Variants in ROBO2 observed in about 807,000 individuals in gnomAD.
ROBO2 encodes the protein roundabout guidance receptor 2, also known as roundabout homolog 2.
In ROBO2, 53 loss-of-function variants were observed where a neutral mutation model predicts 160.8. That is an observed-to-expected ratio of 0.33 (90% CI 0.26 to 0.41). ROBO2 has a LOEUF of 0.41. Ranked by LOEUF, ROBO2 falls within the 10% of genes least tolerant of loss-of-function variation. The pLI is 1.00. For synonymous variants in ROBO2, 664 were observed against 611.7 expected, an observed-to-expected ratio of 1.09 and a Z score of -1.26; for missense variants, 1,577 against 1,722.4, an observed-to-expected ratio of 0.92 and a Z score of 1.49.
intron 21 of ROBO2, among the ~76,000 whole-genome samples, chr3:77,609,580 A>G (rs1482775511): frequency 6.6e-6 from 1 of 151,946 alleles, no homozygotes; most frequent in Non-Finnish European, 1.5e-5. Context: ...TACATAGACT[A>G]TGATAATTCC....
At chr3:76,697,553 G>A (rs2092952848) in intron 2 of ROBO2, among the ~76,000 whole-genome samples, 1 of 152,068 alleles carries the variant, frequency 6.6e-6, no homozygotes, top group Non-Finnish European at 1.5e-5. Context: ...AGGTGGAGGT[G>A]GGAGAATCGC....
chr3:77,342,639 G>A (rs2067190664), intron 2 of ROBO2, among the ~76,000 whole-genome samples: 1 of 152,084 alleles, frequency 6.6e-6, no homozygotes. Flanking sequence ...TGCTGCCACT[G>A]TGGTATTGTC....
At chr3:76,868,411 T>C (rs534968458) in intron 2 of ROBO2, among the ~76,000 whole-genome samples, 1 of 152,314 alleles carries the variant, frequency 6.6e-6, no homozygotes, top group East Asian at 1.9e-4. Flanking sequence ...GATTGTCTCT[T>C]TGGGGACAGA....
intron 2 of ROBO2, among the ~76,000 whole-genome samples, chr3:76,941,331 C>T (rs1232491851): frequency 6.6e-6 from 1 of 152,020 alleles, no homozygotes; most frequent in African/African-American, 2.4e-5. Context: ...TTTGTTAATT[C>T]ATCACTGCAT....
intron 2 of ROBO2, among the ~76,000 whole-genome samples, chr3:76,610,487 G>C (rs2088014552): frequency 6.6e-6 from 1 of 152,176 alleles, no homozygotes; most frequent in Non-Finnish European, 1.5e-5. Flanking sequence ...CTAAAACCCA[G>C]AGATGCCAGC....
intron 2 of ROBO2, among the ~76,000 whole-genome samples, chr3:76,996,396 G>A (rs1279548058): frequency 6.6e-6 from 1 of 152,096 alleles, no homozygotes; most frequent in Non-Finnish European, 1.5e-5. Flanking sequence ...GATGCCTCCA[G>A]CTTTGTTCTT....
intron 2 of ROBO2, among the ~76,000 whole-genome samples, chr3:76,710,810 T>A (rs1016795899): frequency 7.9e-5 from 12 of 152,290 alleles, no homozygotes; most frequent in African/African-American, 2.4e-4. Context: ...ACAGATAAGA[T>A]GCAATTAAAA....
At chr3:77,348,805 C>G (rs1476993374) in intron 2 of ROBO2, among the ~76,000 whole-genome samples, 1 of 152,170 alleles carries the variant, frequency 6.6e-6, no homozygotes, top group Non-Finnish European at 1.5e-5. Flanking sequence ...TCTGACCTCT[C>G]TCCTGTTAGT....
chr3:77,251,427 T>C (rs1486232414), intron 2 of ROBO2, among the ~76,000 whole-genome samples: 1 of 152,112 alleles, frequency 6.6e-6, no homozygotes, highest in Non-Finnish European at 1.5e-5. Context: ...AATGCTGTGG[T>C]CTTGCAGGCA....
intron 2 of ROBO2, among the ~76,000 whole-genome samples, chr3:77,240,519 G>C (rs141924684): frequency 6.6e-6 from 1 of 152,162 alleles, no homozygotes; most frequent in Admixed American, 6.5e-5. Context: ...GGCCAGCCCA[G>C]AGAGGGGCTC....
intron 2 of ROBO2, among the ~76,000 whole-genome samples, chr3:77,125,501 C>A (rs1204127678): frequency 6.6e-6 from 1 of 152,120 alleles, no homozygotes. Context: ...TCATTTGTTT[C>A]ACTGATAGGC....
upstream of ROBO2, among the ~76,000 whole-genome samples, chr3:77,037,477 T>TA (rs201561560): frequency 2.6e-3 from 388 of 152,052 alleles, 2 homozygotes; most frequent in Admixed American, 4.2e-3. Flanking sequence ...TGATGCTTGG[T>TA]AAAAAAAATG....
At chr3:77,352,638 C>T (rs1581261872) in intron 2 of ROBO2, among the ~76,000 whole-genome samples, 5 of 151,990 alleles carry the variant, frequency 3.3e-5, no homozygotes. Flanking sequence ...AAGTTCAAAA[C>T]TTTTGTTTTG....
intron 2 of ROBO2, among the ~76,000 whole-genome samples, chr3:76,156,512 C>T (rs921086007): frequency 2.0e-5 from 3 of 152,112 alleles, no homozygotes; most frequent in African/African-American, 7.2e-5. Context: ...TATATCAAGG[C>T]ATGTAAAAGT....
At chr3:77,192,883 G>A (rs1389148172) in intron 2 of ROBO2, among the ~76,000 whole-genome samples, 1 of 151,472 alleles carries the variant, frequency 6.6e-6, no homozygotes, top group Non-Finnish European at 1.5e-5. Flanking sequence ...CAAACTCCTG[G>A]CCTCAAGTGA....
intron 2 of ROBO2, among the ~76,000 whole-genome samples, chr3:77,292,056 G>C (rs1481165258): frequency 7.2e-6 from 1 of 139,626 alleles, no homozygotes. Flanking sequence ...TAACGGGTAA[G>C]CTGAGACTAG....
intron 23 of ROBO2, among the ~76,000 whole-genome samples, chr3:77,626,506 G>T (rs556990027): frequency 2.6e-5 from 4 of 152,128 alleles, no homozygotes; most frequent in Admixed American, 2.0e-4. Context: ...AAACATAAAG[G>T]CTTGTTTCTG....
intron 6 of ROBO2, among the ~76,000 whole-genome samples, chr3:77,525,420 G>T (rs1464528283): frequency 5.3e-5 from 3 of 56,636 alleles, no homozygotes; most frequent in African/African-American, 1.3e-4. Flanking sequence ...TCAAAAATAT[G>T]CTTTAAAAAA....
intron 2 of ROBO2, among the ~76,000 whole-genome samples, chr3:77,224,967 G>A (rs1472761299): frequency 6.6e-6 from 1 of 151,766 alleles, no homozygotes; most frequent in East Asian, 1.9e-4. Context: ...AACATAAATA[G>A]CCAAATTTAT....
Sources: allele counts gnomAD v4.1 joint callset (sites outside exome capture counted in the v4.1 genomes callset), GRCh38; gene constraint gnomAD v4.1.1; transcripts MANE v1.5; gene names NCBI Gene and HGNC (gene_info 2026-07-23, HGNC 2026-07-21).